The following DENND5A variants were observed in gnomAD, a reference collection of about 807,000 sequenced individuals.
DENND5A encodes DENN domain containing 5A.
Under a neutral mutation model 140.3 loss-of-function variants are expected in DENND5A, and 64 were observed. The observed-to-expected ratio is 0.46, with a 90% CI of 0.37 to 0.56. The LOEUF (loss-of-function observed/expected upper bound fraction) is 0.56. DENND5A is among the 20% of genes least tolerant of loss of function. The pLI is 0.00. For missense variants in DENND5A, 1,292 were observed against 1,593.8 expected (o/e 0.81, Z 3.22); for synonymous variants, 605 against 607.7 (o/e 1.00, Z 0.07).
In DENND5A at chr11:9,139,242, T is replaced by C. The variant is rs1011436373; in HGVS notation, c.*429A>G. 1 of 164,334 alleles carries C rather than the reference T, an allele frequency of 6.1e-6. No homozygotes were observed. Among genetic ancestry groups the C allele is most frequent in the Non-Finnish European group, 1.3e-5 (1 of 74,812 alleles). The allele number at this position is 164,334 out of a possible 1,614,324, so 10.2% of individuals were successfully genotyped here. A position where few individuals can be genotyped will look rare whatever the true frequency, so the allele number is the denominator to read the frequency against. On this transcript the variant is annotated 3_prime_UTR_variant, in exon 23 of 23. Transcript: ENST00000328194. ...GCGCAGCACACCTGTGTGTGGCCTA[T>C]GAAAGCCAAATATCCATAATAATGT...
At chr11:9,236,332 G>C (rs1006721546) in intron 1 of DENND5A, among the ~76,000 whole-genome samples, 11 of 151,938 alleles carry the variant, frequency 7.2e-5, no homozygotes, top group African/African-American at 2.4e-4. Context: ...AGGAGTTCGA[G>C]ATCAGCCTGG....
chr11:9,189,051 C>T (rs1186843581), intron 5 of DENND5A, among the ~76,000 whole-genome samples: 4 of 152,170 alleles, frequency 2.6e-5, no homozygotes, highest in Non-Finnish European at 5.9e-5. Flanking sequence ...AAAGTGGTTT[C>T]GTGGGCCTGA....
intron 12 of DENND5A, among the ~76,000 whole-genome samples, chr11:9,153,549 C>T (rs1847704071): frequency 6.6e-6 from 1 of 152,020 alleles, no homozygotes; most frequent in African/African-American, 2.4e-5. Context: ...ACTTGGTGAA[C>T]TAGGCAAAGC....
intron 1 of DENND5A, among the ~76,000 whole-genome samples, chr11:9,255,178 AT>A (rs1306260781): frequency 2.3e-4 from 35 of 152,372 alleles, no homozygotes; most frequent in African/African-American, 8.2e-4. Flanking sequence ...TAAGATGGCT[AT>A]AAACCAATAG....
At chr11:9,252,130 T>C (rs1309065061) in intron 1 of DENND5A, among the ~76,000 whole-genome samples, 1 of 149,816 alleles carries the variant, frequency 6.7e-6, no homozygotes, top group Non-Finnish European at 1.5e-5. Flanking sequence ...AAACCGCATG[T>C]CTACTAAAAA....
chr11:9,256,625 G>A (rs1386939822), intron 1 of DENND5A, among the ~76,000 whole-genome samples: 3 of 152,166 alleles, frequency 2.0e-5, no homozygotes, highest in African/African-American at 7.2e-5. Flanking sequence ...CTAAGTGAAA[G>A]AAGCCAGTAA....
At chr11:9,190,338 C>T (rs1849073582) in intron 5 of DENND5A, among the ~76,000 whole-genome samples, 1 of 152,124 alleles carries the variant, frequency 6.6e-6, no homozygotes, top group Non-Finnish European at 1.5e-5. Context: ...GCTGTGTCCC[C>T]ACCCAAATCT....
intron 22 of DENND5A, chr11:9,140,162 C>T: frequency 1.4e-6 from 2 of 1,405,368 alleles, no homozygotes; most frequent in Non-Finnish European, 1.9e-6. Flanking sequence ...ACAGCTACCA[C>T]CACCAGGAAT....
intron 4 of DENND5A, among the ~76,000 whole-genome samples, chr11:9,198,221 A>G (rs1335998565): frequency 6.6e-6 from 1 of 152,138 alleles, no homozygotes; most frequent in Admixed American, 6.6e-5. Flanking sequence ...TCATGAAGCA[A>G]TTAAGAATAA....
At chr11:9,145,874 T>G in intron 16 of DENND5A, 59 bp from the exon 17 acceptor site, 1 of 1,588,418 alleles carries the variant, frequency 6.3e-7, no homozygotes, top group East Asian at 2.2e-5. Flanking sequence ...CCATACCAGA[T>G]GGGACTCTGA....
chr11:9,146,931 G>T, intron 16 of DENND5A, 99 bp downstream of exon 16: 1 of 1,380,500 alleles, frequency 7.2e-7, no homozygotes, highest in Non-Finnish European at 1.0e-6. Flanking sequence ...AAGTACAAGG[G>T]ATAATCTTCT....
chr11:9,155,449 C>T (rs937381487), intron 12 of DENND5A, among the ~76,000 whole-genome samples: 3 of 152,166 alleles, frequency 2.0e-5, no homozygotes, highest in Admixed American at 6.5e-5. Context: ...AAGAAGGAAG[C>T]CCCTGGCTCA....
chr11:9,253,341 C>T (rs1250929768), intron 1 of DENND5A, among the ~76,000 whole-genome samples: 2 of 152,180 alleles, frequency 1.3e-5, no homozygotes, highest in Non-Finnish European at 2.9e-5. Context: ...GGTTTAAGCA[C>T]CAAACACTGT....
intron 10 of DENND5A, among the ~76,000 whole-genome samples, chr11:9,166,757 G>A (rs1226834658): frequency 2.6e-5 from 4 of 151,928 alleles, no homozygotes; most frequent in Non-Finnish European, 5.9e-5. Flanking sequence ...GCTTGAACCC[G>A]GGAGGTGGAG....
At chr11:9,189,636 TTTTG>T (rs538310630) in intron 5 of DENND5A, among the ~76,000 whole-genome samples, 67 of 152,004 alleles carry the variant, frequency 4.4e-4, no homozygotes, top group African/African-American at 1.3e-3. Context: ...TTTTTGGTTT[TTTTG>T]TTTGTTTGTT....
chr11:9,150,091 C>T lies in DENND5A; in HGVS notation c.2725G>A (p.Glu909Lys). 6.2e-7 allele frequency: 1 copy of T among 1,612,910 alleles called. No homozygotes were observed. The highest frequency in any genetic ancestry group is 8.5e-7 in the Non-Finnish European group (1 of 1,179,336). The change falls in exon 15 of 23, where the codon GAG becomes AAG. Residue 909 changes from glutamate (E) to lysine (K), a missense_variant. Transcript: ENST00000328194. Reference protein sequence around the residue: ...RHLKQLLSDHELTKKLYKRYA... With the variant: ...RHLKQLLSDHKLTKKLYKRYA... The stretch of plus-strand genomic sequence containing the variant: ...GCGGAGCAGCCTTACTTGGTGAGCT[C>T]ATGGTCTGAGAGGAGCTGCTTCAGG...
chr11:9,142,688 G>A, intron 21 of DENND5A, 34 bp downstream of exon 21: 2 of 1,613,186 alleles, frequency 1.2e-6, no homozygotes, highest in South Asian at 1.1e-5. Context: ...ATCTCTACAT[G>A]CTTCTCCCAC....
chr11:9,250,567 G>C (rs1227545344), intron 1 of DENND5A, among the ~76,000 whole-genome samples: 1 of 152,084 alleles, frequency 6.6e-6, no homozygotes, highest in Non-Finnish European at 1.5e-5. Flanking sequence ...GTAATAGTAA[G>C]ACAGCAAACA....
chr11:9,177,449 G>A (rs889848031), intron 8 of DENND5A, among the ~76,000 whole-genome samples: 1 of 151,238 alleles, frequency 6.6e-6, no homozygotes, highest in Non-Finnish European at 1.5e-5. Flanking sequence ...CGCAAAAATT[G>A]AAGACCAGAC....
Sources: gnomAD v4.1 joint callset for allele counts (sites outside exome capture counted in the v4.1 genomes callset) on GRCh38, gnomAD v4.1.1 for gene constraint, MANE v1.5 for transcripts, NCBI Gene and HGNC (gene_info 2026-07-23, HGNC 2026-07-21) for gene names.